LRBA: variants seen among roughly 807,000 people sequenced by gnomAD.
The protein encoded by LRBA is LPS responsive beige-like anchor protein.
LRBA carries 176 observed loss-of-function variants against 330.0 expected under a neutral mutation model. That is an observed-to-expected ratio of 0.53 (90% CI 0.47 to 0.60). The LOEUF (loss-of-function observed/expected upper bound fraction) is 0.60. LRBA is among the 20% of genes least tolerant of loss of function. The pLI is 0.00. For missense variants in LRBA, 3,259 were observed against 3,444.8 expected, an observed-to-expected ratio of 0.95 and a Z score of 1.35; for synonymous variants, 1,230 against 1,193.0, an observed-to-expected ratio of 1.03 and a Z score of -0.64.
At chr4:150,443,401 A>G (rs995694197) in intron 44 of LRBA, among the ~76,000 whole-genome samples, 2 of 152,198 alleles carry the variant, frequency 1.3e-5, no homozygotes, top group African/African-American at 4.8e-5. Context: ...ATGCACACAT[A>G]CATTTACTGC....
At chr4:150,861,146 G>A (rs1368880454) in intron 22 of LRBA, among the ~76,000 whole-genome samples, 1 of 152,038 alleles carries the variant, frequency 6.6e-6, no homozygotes, top group Non-Finnish European at 1.5e-5. Context: ...GACCCAGGCT[G>A]GAGTCCAGTG....
In LRBA at chr4:150,690,679, G is replaced by GAA. The variant is rs11372196; in HGVS notation, c.5755-6964_5755-6963dup. 7.0e-3 allele frequency among the ~76,000 whole-genome samples: 1,033 copies of GAA among 146,632 alleles called. 11 individuals carry two copies. The highest frequency in any genetic ancestry group is 0.023 in the African/African-American group (910 of 40,244). On this transcript the variant is annotated intron_variant, in intron 36 of 56. Transcript: ENST00000651943. ...CTGAAACACCTGGCTATCCACATGA[G>GAA]AAAAAAAAAAAGACGAATCTTTTCT...
At chr4:150,621,489 C>G (rs767090456) in intron 37 of LRBA, among the ~76,000 whole-genome samples, 1 of 152,136 alleles carries the variant, frequency 6.6e-6, no homozygotes, top group African/African-American at 2.4e-5. Context: ...CTAGTTAGAA[C>G]AGCACTAGTT....
rs565415397 is a variant in LRBA at position 150,797,972 on chromosome 4, C to T, written c.5580+109G>A. The T allele has an allele frequency of 5.9e-6, 4 of 679,994 alleles. No individual in the cohort carries two copies. The South Asian group carries it at 6.4e-5, about 11-fold the overall frequency. 42.1% of individuals were successfully genotyped at this position (679,994 alleles called of 1,614,324 possible). On this transcript the variant is annotated intron_variant, in intron 34 of 56. Transcript: ENST00000651943. ...CAAAATTATTTTAAAACAGCAAACTCACAATTTTATTATACCAAAAATTTC... is the reference window on the plus strand; with the variant it reads ...CAAAATTATTTTAAAACAGCAAACTTACAATTTTATTATACCAAAAATTTC...
intron 2 of LRBA, among the ~76,000 whole-genome samples, chr4:150,959,710 G>C (rs1737922531): frequency 6.8e-6 from 1 of 147,156 alleles, no homozygotes; most frequent in African/African-American, 2.6e-5. Context: ...GAATGAAACT[G>C]TTCCAATTAC....
At chr4:150,441,511 A>G (rs1751838966) in intron 44 of LRBA, among the ~76,000 whole-genome samples, 1 of 152,122 alleles carries the variant, frequency 6.6e-6, no homozygotes, top group African/African-American at 2.4e-5. Context: ...CTTTGGTCTA[A>G]TATTAGTAAA....
chr4:150,798,175 T>C lies in LRBA; in HGVS notation c.5519-33A>G, dbSNP rs1741079133. The C allele has an allele frequency of 3.6e-6, 5 of 1,379,136 alleles. No individual in the cohort carries two copies. The Middle Eastern group carries it at 5.4e-4, about 148-fold the overall frequency. 85.4% of individuals were successfully genotyped at this position (1,379,136 alleles called of 1,614,324 possible). A position where few individuals can be genotyped will look rare whatever the true frequency, so the allele number is the denominator to read the frequency against. On this transcript the variant is annotated intron_variant, in intron 33 of 56. Transcript: ENST00000651943. ...AAAGAGAATTTTAAAAAAGAAGTTATAAAGAAAACAAATGAGGATTTGTTA... is the reference window on the plus strand; with the variant it reads ...AAAGAGAATTTTAAAAAAGAAGTTACAAAGAAAACAAATGAGGATTTGTTA...
chr4:150,913,397 G>A (rs913926339), intron 9 of LRBA, among the ~76,000 whole-genome samples: 4 of 152,172 alleles, frequency 2.6e-5, no homozygotes, highest in African/African-American at 9.7e-5. Flanking sequence ...AACCCAGGAG[G>A]TGGAGGTTGC....
At chr4:150,684,311 T>C (rs1783328830) in intron 36 of LRBA, among the ~76,000 whole-genome samples, 1 of 152,140 alleles carries the variant, frequency 6.6e-6, no homozygotes, top group African/African-American at 2.4e-5. Context: ...CAGCTTACAA[T>C]AGTAAATTGA....
chr4:150,967,794 T>C (rs1270116042), intron 2 of LRBA, among the ~76,000 whole-genome samples: 3 of 152,214 alleles, frequency 2.0e-5, no homozygotes, highest in Non-Finnish European at 4.4e-5. Context: ...CTACTGTAAC[T>C]GTTCTGGGGT....
At chr4:150,783,683 C>T (rs1290999315) in intron 34 of LRBA, among the ~76,000 whole-genome samples, 1 of 152,132 alleles carries the variant, frequency 6.6e-6, no homozygotes, top group Non-Finnish European at 1.5e-5. Flanking sequence ...CTATAAAAGC[C>T]CACTGTGGAA....
rs180797542 is a variant in LRBA, at chr4:150,560,612, C to G, written c.6330+27436G>C. Among the ~76,000 whole-genome samples, 45 of 152,248 alleles carry G rather than the reference C, an allele frequency of 3.0e-4. No individual in the cohort carries two copies. In the East Asian group the frequency reaches 6.7e-3, roughly 23 times the overall value. On this transcript the variant is annotated intron_variant, in intron 40 of 56. Coordinates refer to ENST00000651943, the MANE Select transcript of LRBA (RefSeq NM_001364905.1). The stretch of plus-strand genomic sequence containing the variant: ...TCTTGTTTAAAGGGTTTCTGTAGTT[C>G]AATCATTATGAACTCCTAACTGATA...
chr4:150,753,582 G>T (rs972520257), intron 35 of LRBA, among the ~76,000 whole-genome samples: 2 of 152,004 alleles, frequency 1.3e-5, no homozygotes, highest in African/African-American at 4.8e-5. Flanking sequence ...CTACAGGCAC[G>T]CTATATCCAA....
intron 40 of LRBA, among the ~76,000 whole-genome samples, chr4:150,511,651 T>C (rs113197112): frequency 1.9e-4 from 29 of 152,348 alleles, no homozygotes; most frequent in African/African-American, 6.3e-4. Context: ...TTAGATCTCA[T>C]TGTATCCCAG....
Position 150,321,368 on chromosome 4 carries a change from T to C in LRBA, c.7453A>G (p.Ser2485Gly), listed in dbSNP as rs1732493642. 6.3e-7 allele frequency: 1 copy of C among 1,589,008 alleles called. No individual in the cohort carries two copies. The highest frequency in any genetic ancestry group is 1.4e-5 in the African/African-American group (1 of 73,344). The change falls in exon 50 of 57, where the codon AGT becomes GGT. Residue 2485 changes from serine (S) to glycine (G), a missense_variant and splice_region_variant. Physicochemically the swap from Ser to Gly is moderately conservative, Grantham distance 56 (BLOSUM62 0). Transcript: ENST00000651943. This position sits in a 1 kb window ranked among gnomAD's most constrained non-coding sequence, Gnocchi z 4.5. ...HPPRGSAMQV[S>G]PLMFTDKAQQ... is the part of the protein sequence containing the mutation. Reference sequence around the variant, plus strand: ...GCTTTGTCTGTGAACATCAATGGACTCTGCAGGAGGAGATACTGTTGAGTG... The same window carrying C: ...GCTTTGTCTGTGAACATCAATGGACCCTGCAGGAGGAGATACTGTTGAGTG...
intron 52 of LRBA, among the ~76,000 whole-genome samples, chr4:150,304,139 T>C (rs1730054812): frequency 6.6e-6 from 1 of 152,162 alleles, no homozygotes; most frequent in African/African-American, 2.4e-5. Flanking sequence ...AAAAAAAGGC[T>C]ACTAAGCTGA....
At chr4:150,824,540 G>T (rs1345608637) in intron 30 of LRBA, among the ~76,000 whole-genome samples, 3 of 152,134 alleles carry the variant, frequency 2.0e-5, no homozygotes, top group Non-Finnish European at 4.4e-5. Context: ...TATGATACTA[G>T]CTGTGGATCT....
chr4:150,922,420 T>C (rs1227417081), intron 4 of LRBA, among the ~76,000 whole-genome samples: 1 of 87,990 alleles, frequency 1.1e-5, no homozygotes, highest in East Asian at 3.2e-4. Flanking sequence ...ATATATATGA[T>C]GGAATACTAC....
At chr4:150,952,824 G>A (rs1463265571) in intron 2 of LRBA, among the ~76,000 whole-genome samples, 4 of 152,100 alleles carry the variant, frequency 2.6e-5, no homozygotes, top group Non-Finnish European at 5.9e-5. Context: ...GAGCACAGAC[G>A]GAAGCATGGG....
Sources: gnomAD v4.1 joint callset for allele counts (sites outside exome capture counted in the v4.1 genomes callset) on GRCh38, gnomAD v4.1.1 for gene constraint, Gnocchi (gnomAD v3.1) non-coding constraint, MANE v1.5 for transcripts, NCBI Gene and HGNC (gene_info 2026-07-23, HGNC 2026-07-21) for gene names.